NEB: variants seen among roughly 807,000 people sequenced by gnomAD.
NEB encodes nemaline myopathy type 2.
In NEB, 512 loss-of-function variants were observed where a neutral mutation model predicts 952.2. The observed-to-expected ratio is 0.54, with a 90% CI of 0.50 to 0.58. The LOEUF is 0.58. Ranked by LOEUF, NEB falls within the 20% of genes least tolerant of loss-of-function variation. The pLI is 0.00. For synonymous variants in NEB, 2,900 were observed against 3,149.8 expected (o/e 0.92, Z 2.66); for missense variants, 8,428 against 9,231.1 (o/e 0.91, Z 3.56).
At chr2:151,725,634 TA>T (rs202085426) in intron 5 of NEB, 74 bp from the exon 6 acceptor site, 761 of 1,176,226 alleles carry the variant, frequency 6.5e-4, no homozygotes, top group Admixed American at 2.0e-3. Context: ...CCCCATTTGA[TA>T]AAAAAAAATC....
At chr2:151,725,425 T>C (rs2099787591) in intron 6 of NEB, 28 bp downstream of exon 6, 6 of 1,564,530 alleles carry the variant, frequency 3.8e-6, no homozygotes, top group Admixed American at 1.7e-5. Flanking sequence ...GAAATGTCCC[T>C]CTCCTTTATT....
Position 151,519,747 on chromosome 2 carries a change from C to T in NEB, c.22501G>A (p.Asp7501Asn), listed in dbSNP as rs774715573. The T allele has an allele frequency of 3.1e-6, 5 of 1,611,474 alleles. No homozygotes were observed. The highest frequency in any genetic ancestry group is 2.2e-5 in the East Asian group (1 of 44,810). Reference sequence around the variant, plus strand: ...TTTGGTGTCTTGCCCTTTTCTTTATCGAAATTTTCTCGGTATTTAACCTAA... The same window carrying T: ...TTTGGTGTCTTGCCCTTTTCTTTATTGAAATTTTCTCGGTATTTAACCTAA... Reference protein sequence around the residue: ...SSQVKYRENFDKEKGKTPKYN... With the variant: ...SSQVKYRENFNKEKGKTPKYN... The change falls in exon 154 of 182, where the codon GAT (aspartate) becomes AAT (asparagine). Residue 7501 changes from aspartate to asparagine, a missense_variant. Asp to Asn is a conservative substitution (Grantham distance 23). Around this residue, in one of 11 missense-constraint regions of NEB, gnomAD observed 3,374 missense variants for 3,651.5 expected, o/e 0.92. Transcript: ENST00000397345.
At chr2:151,659,012 A>T in intron 47 of NEB, 53 bp downstream of exon 47, 1 of 1,219,622 alleles carries the variant, frequency 8.2e-7, no homozygotes, top group Non-Finnish European at 1.2e-6. Context: ...ATTTGTTCTT[A>T]CTGGTTCAAA....
At chr2:151,628,855 T>TCTAGC (rs2098595464) in intron 68 of NEB, among the ~76,000 whole-genome samples, 1 of 151,820 alleles carries the variant, frequency 6.6e-6, no homozygotes, top group Non-Finnish European at 1.5e-5. Flanking sequence ...AGAGTGAGAC[T>TCTAGC]CTGAGACTCT....
Position 151,569,260 on chromosome 2 carries a change from T to G in NEB, c.17535+8A>C. Reference sequence around the variant, plus strand: ...TGTACTGAATGTCAGGGTAAAATCTTGGAATACCTCACTGAAGATGTCCGC... The same window carrying G: ...TGTACTGAATGTCAGGGTAAAATCTGGGAATACCTCACTGAAGATGTCCGC... On this transcript the variant is annotated splice_region_variant and intron_variant, in intron 110 of 181. Transcript: ENST00000397345. 6.2e-7 allele frequency: 1 copy of G among 1,612,154 alleles called. No individual in the cohort carries two copies. The highest frequency in any genetic ancestry group is 8.5e-7 in the Non-Finnish European group (1 of 1,178,274).
At chr2:151,723,305 G>A in intron 9 of NEB, 77 bp downstream of exon 9, 1 of 939,112 alleles carries the variant, frequency 1.1e-6, no homozygotes, top group East Asian at 2.6e-5. Flanking sequence ...GAGTTGCAGT[G>A]ACCATCTGGC....
At chr2:151,489,854 CATTATATAAAATAG>C in intron 181 of NEB, 103 bp downstream of exon 181, 1 of 619,308 alleles carries the variant, frequency 1.6e-6, no homozygotes. Flanking sequence ...AATAAAAGAG[CATTATATAAAATAG>C]AAGGTTTGGT....
chr2:151,485,889 A>G lies in NEB; in HGVS notation c.25449T>C (p.Asp8483=), dbSNP rs1425045342. The change falls in exon 182 of 182, where the codon GAT becomes GAC. Residue 8483 remains aspartate (D), a synonymous_variant. Transcript: ENST00000397345. ...AMYDYMAADA[D]EVSFKDGDAI... ...CATCTCCATCCTTGAAGGACACCTC[A>G]TCTGCATCAGCAGCCATATAGTCAT... is the stretch of plus-strand genomic sequence containing the variant. 6.8e-6 allele frequency: 11 copies of G among 1,613,854 alleles called. No homozygotes were observed. The highest frequency in any genetic ancestry group is 6.7e-5 in the African/African-American group (5 of 74,926).
At chr2:151,694,831 T>C (rs748228984) in intron 18 of NEB, among the ~76,000 whole-genome samples, 17 of 152,324 alleles carry the variant, frequency 1.1e-4, no homozygotes, top group South Asian at 4.1e-4. Context: ...CTACTCCCCA[T>C]GAGAATTTTT....
chr2:151,526,603 T>C (rs989787725), intron 148 of NEB, among the ~76,000 whole-genome samples: 2 of 152,190 alleles, frequency 1.3e-5, no homozygotes, highest in African/African-American at 4.8e-5. Flanking sequence ...AGGGAAAGTA[T>C]GATCCCATAG....
In NEB at chr2:151,625,538, C is replaced by T. The variant is rs183425374; in HGVS notation, c.10448G>A (p.Ser3483Asn). 2.5e-6 allele frequency: 4 copies of T among 1,584,534 alleles called. No individual in the cohort carries two copies. The highest frequency in any genetic ancestry group is 1.7e-5 in the Admixed American group (1 of 59,474). Reference sequence around the variant, plus strand: ...AAATAAAACAAATGATCTTACCTCACTATAATTTATTTTATTTTGTCTTGC... The same window carrying T: ...AAATAAAACAAATGATCTTACCTCATTATAATTTATTTTATTTTGTCTTGC... ...MLARQNKINYSESLYRQAMEE... is the reference protein window; with the variant it reads ...MLARQNKINYNESLYRQAMEE... Residue 3483 changes from serine to asparagine, a missense_variant, in exon 71 of 182, where the codon AGT becomes AAT. By Grantham distance (46) the Ser-to-Asn change is conservative. This residue lies in a region of NEB where 1,772 missense variants were observed against 1,960.3 expected (regional missense o/e 0.90). Transcript: ENST00000397345.
intron 54 of NEB, among the ~76,000 whole-genome samples, chr2:151,648,084 TGTG>T (rs774732343): frequency 2.6e-5 from 4 of 152,122 alleles, no homozygotes; most frequent in East Asian, 3.9e-4. Context: ...AGAAAGCAAA[TGTG>T]GTAAAATTTT....
At chr2:151,731,787 T>G (rs113163445) in intron 3 of NEB, among the ~76,000 whole-genome samples, 1,956 of 152,338 alleles carry the variant, frequency 0.013, 23 homozygotes, top group Middle Eastern at 0.031. Flanking sequence ...AAACTGTTAC[T>G]GGCATTATTA....
At chr2:151,700,102 A>C (rs1176792728) in intron 13 of NEB, among the ~76,000 whole-genome samples, 6 of 75,638 alleles carry the variant, frequency 7.9e-5, no homozygotes, top group Non-Finnish European at 1.6e-4. Context: ...TTTTCCCAGC[A>C]CCATTTATTA....
intron 13 of NEB, among the ~76,000 whole-genome samples, chr2:151,705,609 G>T (rs1289285396): frequency 6.6e-6 from 1 of 152,086 alleles, no homozygotes; most frequent in Non-Finnish European, 1.5e-5. Context: ...ATATGAAAAA[G>T]ACACATGCAT....
intron 157 of NEB, among the ~76,000 whole-genome samples, chr2:151,516,126 A>T (rs897384795): frequency 4.6e-5 from 7 of 152,204 alleles, no homozygotes; most frequent in Non-Finnish European, 7.3e-5. Context: ...TTTCAAAGCC[A>T]AAGGGGTGTC....
At chr2:151,713,771 C>T (rs1334569918) in intron 10 of NEB, among the ~76,000 whole-genome samples, 1 of 152,106 alleles carries the variant, frequency 6.6e-6, no homozygotes. Flanking sequence ...GTTAGAGCTA[C>T]AAAATACAGC....
At chr2:151,490,666 G>C in intron 179 of NEB, 148 bp from the exon 180 acceptor site, 1 of 983,618 alleles carries the variant, frequency 1.0e-6, no homozygotes, top group Non-Finnish European at 1.5e-6. Flanking sequence ...CAGTTATTCT[G>C]ATGTAGGTTT....
Position 151,655,874 on chromosome 2 carries a change from C to T in NEB, c.6645G>A (p.Lys2215=). The change falls in exon 50 of 182, where the codon AAG becomes AAA. Residue 2215 remains lysine, a synonymous_variant. Coordinates refer to ENST00000397345, the MANE Select transcript of NEB (RefSeq NM_001164508.2). ...GCACCATGTCCATGGAATCAGTCAGCTTCTTAAACTGGAAGTTGCTCGGGT... is the reference window on the plus strand; with the variant it reads ...GCACCATGTCCATGGAATCAGTCAGTTTCTTAAACTGGAAGTTGCTCGGGT... ...RQHPSNFQFK[K]LTDSMDMVLA... 1.9e-6 allele frequency: 3 copies of T among 1,613,796 alleles called. No individual in the cohort carries two copies. Among genetic ancestry groups the T allele is most frequent in the East Asian group, 2.2e-5 (1 of 44,864 alleles).
Sources: allele counts gnomAD v4.1 joint callset (sites outside exome capture counted in the v4.1 genomes callset), GRCh38; gene constraint gnomAD v4.1.1; regional missense constraint gnomAD v4.1.1; transcripts MANE v1.5; gene names NCBI Gene and HGNC (gene_info 2026-07-23, HGNC 2026-07-21).